The following CHD1L variants were observed in gnomAD, a reference collection of about 807,000 sequenced individuals.
CHD1L encodes chromodomain helicase DNA binding protein 1 like, also known as ATP-dependent chromatin remodeler CHD1L.
A neutral mutation model predicts 115.9 loss-of-function variants in CHD1L; 118 were observed. The ratio of observed to expected loss-of-function variants is 1.02; its 90% CI spans 0.88 to 1.19. The LOEUF (loss-of-function observed/expected upper bound fraction) is 1.19, where lower values mean the gene tolerates loss of function less well. CHD1L is among the 50% of genes most tolerant of loss of function. CHD1L has a pLI of 0.00. For synonymous variants in CHD1L, 411 were observed against 387.1 expected (o/e 1.06, Z -0.72); for missense variants, 1,179 against 1,065.3 (o/e 1.11, Z -1.49).
In CHD1L at chr1:147,268,774, T is replaced by C. The variant is rs782696803; in HGVS notation, c.989-8T>C. ...CACATTACTGGGAGTGGGTTCTTTC[T>C]TTTCTAGGTGTGGAGCCGGAGCCTT... On this transcript the variant is annotated splice_polypyrimidine_tract_variant and splice_region_variant and intron_variant, in intron 9 of 22. Transcript: ENST00000369258. The C allele has an allele frequency of 1.2e-6, 2 of 1,612,184 alleles. No individual in the cohort carries two copies. Among genetic ancestry groups the C allele is most frequent in the Non-Finnish European group, 8.5e-7 (1 of 1,178,792 alleles).
At chr1:147,268,975 C>CCT (rs1411694545) in intron 10 of CHD1L, 97 bp downstream of exon 10, 11 of 712,562 alleles carry the variant, frequency 1.5e-5, no homozygotes, top group Non-Finnish European at 2.5e-5. Context: ...TTCCAGTTTT[C>CCT]TTTTTTTTCT....
chr1:147,219,041 T>C, the CHD1L span, among the ~76,000 whole-genome samples: 1 of 152,178 alleles, frequency 6.6e-6, no homozygotes, highest in Admixed American at 6.5e-5. Context: ...TTTAAATCTC[T>C]ATTATCAGGA....
chr1:147,220,775 C>T, the CHD1L span, among the ~76,000 whole-genome samples: 1 of 152,094 alleles, frequency 6.6e-6, no homozygotes, highest in African/African-American at 2.4e-5. Flanking sequence ...CAGCCCCATA[C>T]AATTTATCCT....
chr1:147,190,915 T>C, the CHD1L span, among the ~76,000 whole-genome samples: 1 of 152,014 alleles, frequency 6.6e-6, no homozygotes, highest in Non-Finnish European at 1.5e-5. Context: ...TTCCCACCTA[T>C]GAGTGAGAAC....
At chr1:147,189,269 TC>T in the CHD1L span, among the ~76,000 whole-genome samples, 1 of 123,880 alleles carries the variant, frequency 8.1e-6, no homozygotes, top group Admixed American at 7.8e-5. Flanking sequence ...TGAGACTCCG[TC>T]TAAAAAAAAA....
the CHD1L span, among the ~76,000 whole-genome samples, chr1:147,198,299 G>A: frequency 6.6e-6 from 1 of 152,142 alleles, no homozygotes; most frequent in African/African-American, 2.4e-5. Flanking sequence ...GTGCTAGGCA[G>A]TGGTCTAGGC....
chr1:147,240,419 A>G (rs1337704571), upstream of CHD1L, among the ~76,000 whole-genome samples: 2 of 152,232 alleles, frequency 1.3e-5, no homozygotes, highest in African/African-American at 4.8e-5. Flanking sequence ...TGCCTAGGAA[A>G]GCCAGTTATT....
At chr1:147,208,809 G>T in the CHD1L span, 1 of 1,525,286 alleles carries the variant, frequency 6.6e-7, no homozygotes, top group Non-Finnish European at 9.1e-7. Context: ...CCTTATTCTT[G>T]TGCTTTGGCC....
chr1:147,193,215 G>A, the CHD1L span, among the ~76,000 whole-genome samples: 2 of 152,046 alleles, frequency 1.3e-5, no homozygotes, highest in Non-Finnish European at 2.9e-5. Context: ...CAGAGATTCA[G>A]CTTCTTCCTG....
chr1:147,182,102 C>T, the CHD1L span, among the ~76,000 whole-genome samples: 1 of 152,150 alleles, frequency 6.6e-6, no homozygotes, highest in Non-Finnish European at 1.5e-5. Flanking sequence ...AGAGATCTAC[C>T]TCAACATTCA....
At chr1:147,204,964 G>T in the CHD1L span, 8 of 1,335,070 alleles carry the variant, frequency 6.0e-6, no homozygotes, top group Non-Finnish European at 7.5e-6. Context: ...TCACGTGACC[G>T]CTCAGAAGAC....
At chr1:147,193,965 G>GA in the CHD1L span, among the ~76,000 whole-genome samples, 5,603 of 152,080 alleles carry the variant, frequency 0.037, 156 homozygotes, top group South Asian at 0.095. Flanking sequence ...GTGTGGTGCT[G>GA]AAAAAAATGT....
chr1:147,255,774 C>A, intron 3 of CHD1L, 39 bp from the exon 4 acceptor site: 2 of 1,394,996 alleles, frequency 1.4e-6, no homozygotes, highest in Non-Finnish European at 2.0e-6. Flanking sequence ...TCACATGGAT[C>A]TAGTATTTAT....
chr1:147,239,263 C>T (rs1664691594), upstream of CHD1L, among the ~76,000 whole-genome samples: 2 of 152,134 alleles, frequency 1.3e-5, no homozygotes, highest in African/African-American at 4.8e-5. Flanking sequence ...GAACTTTGAG[C>T]GTTAGCCATC....
the CHD1L span, chr1:147,201,551 A>C: frequency 6.8e-7 from 1 of 1,471,828 alleles, no homozygotes. Context: ...AGAAAGAGAA[A>C]TCAGTACCAC....
At chr1:147,193,634 G>A in the CHD1L span, among the ~76,000 whole-genome samples, 1 of 152,046 alleles carries the variant, frequency 6.6e-6, no homozygotes, top group African/African-American at 2.4e-5. Flanking sequence ...GCTTTCTCTT[G>A]TGGGCATTTA....
At chr1:147,201,522 G>T in the CHD1L span, 1 of 1,582,342 alleles carries the variant, frequency 6.3e-7, no homozygotes, top group Non-Finnish European at 8.7e-7. Flanking sequence ...TCGTGACAAA[G>T]ATCAAGTGGA....
the CHD1L span, chr1:147,178,100 C>A: frequency 6.5e-7 from 1 of 1,541,590 alleles, no homozygotes. Flanking sequence ...CTGCCCCCAC[C>A]CCACCTCGCC....
chr1:147,190,074 A>G, the CHD1L span: 2 of 736,398 alleles, frequency 2.7e-6, no homozygotes, highest in Admixed American at 5.2e-5. Context: ...AATAGAATCT[A>G]AATCCTTAAG....
Sources: allele counts gnomAD v4.1 joint callset (sites outside exome capture counted in the v4.1 genomes callset), GRCh38; gene constraint gnomAD v4.1.1; transcripts MANE v1.5; gene names NCBI Gene and HGNC (gene_info 2026-07-23, HGNC 2026-07-21).